Variants in HPSE2 observed in about 807,000 individuals in gnomAD.
The protein encoded by HPSE2 is inactive heparanase-2.
In HPSE2, 38 loss-of-function variants were observed where a neutral mutation model predicts 60.5. That is an observed-to-expected ratio of 0.63 (90% CI 0.48 to 0.82). HPSE2 has a LOEUF of 0.82. Among genes scored for constraint, HPSE2 ranks in the 40% least tolerant of loss-of-function variants. The pLI, the probability that HPSE2 is intolerant of heterozygous loss-of-function variation, is 0.00. For missense variants in HPSE2, 713 were observed against 740.4 expected, an observed-to-expected ratio of 0.96 and a Z score of 0.43; for synonymous variants, 295 against 293.2, an observed-to-expected ratio of 1.01 and a Z score of -0.06.
intron 3 of HPSE2, among the ~76,000 whole-genome samples, chr10:99,012,050 A>C (rs1311739087): frequency 6.6e-6 from 1 of 151,934 alleles, no homozygotes; most frequent in Non-Finnish European, 1.5e-5. Flanking sequence ...TTTTACTTTG[A>C]AATTCACTTT....
intron 3 of HPSE2, among the ~76,000 whole-genome samples, chr10:98,760,916 G>T (rs1216906383): frequency 3.9e-5 from 6 of 152,022 alleles, no homozygotes; most frequent in Non-Finnish European, 7.4e-5. Context: ...TTAAATGTTT[G>T]GTAGAGTTCA....
chr10:98,652,043 T>A (rs1469915276), intron 6 of HPSE2, among the ~76,000 whole-genome samples: 1 of 152,176 alleles, frequency 6.6e-6, no homozygotes, highest in Non-Finnish European at 1.5e-5. Flanking sequence ...AGTGCTGGGA[T>A]TACATGTGTG....
intron 3 of HPSE2, among the ~76,000 whole-genome samples, chr10:98,913,058 C>T (rs1372627517): frequency 6.6e-6 from 1 of 151,982 alleles, no homozygotes; most frequent in Non-Finnish European, 1.5e-5. Context: ...AATATATATA[C>T]CTGCTATGTA....
At chr10:98,884,198 C>G (rs1263491454) in intron 3 of HPSE2, among the ~76,000 whole-genome samples, 2 of 152,100 alleles carry the variant, frequency 1.3e-5, no homozygotes, top group African/African-American at 4.8e-5. Flanking sequence ...GGTGAGGAAG[C>G]TGCTGAAGAA....
At chr10:99,077,660 T>C (rs1363962121) in intron 3 of HPSE2, among the ~76,000 whole-genome samples, 3 of 152,156 alleles carry the variant, frequency 2.0e-5, no homozygotes, top group Non-Finnish European at 4.4e-5. Context: ...ATTAAATATA[T>C]ACAGGTGTAT....
At chr10:99,153,459 G>C (rs1450386496) in intron 2 of HPSE2, among the ~76,000 whole-genome samples, 1 of 152,190 alleles carries the variant, frequency 6.6e-6, no homozygotes, top group Non-Finnish European at 1.5e-5. Context: ...CCCCCGAGCA[G>C]CCTAACTGGG....
chr10:99,075,727 T>C (rs982273415), intron 3 of HPSE2, among the ~76,000 whole-genome samples: 1 of 152,176 alleles, frequency 6.6e-6, no homozygotes, highest in Non-Finnish European at 1.5e-5. Flanking sequence ...GCATATATAT[T>C]TATAATTCTT....
chr10:99,020,068 T>G (rs4579871), intron 3 of HPSE2, among the ~76,000 whole-genome samples: 115,867 of 151,758 alleles, frequency 0.76, 44,622 homozygotes, highest in East Asian at 0.86. Flanking sequence ...TTTATTTATA[T>G]AATAGGAAGG....
chr10:99,111,373 A>C (rs752317595), intron 3 of HPSE2, among the ~76,000 whole-genome samples: 1 of 152,168 alleles, frequency 6.6e-6, no homozygotes, highest in Non-Finnish European at 1.5e-5. Flanking sequence ...GAGCCTCTGT[A>C]ATTCTGTAAG....
At chr10:98,699,725 T>C (rs1352775002) in intron 5 of HPSE2, among the ~76,000 whole-genome samples, 4 of 130,532 alleles carry the variant, frequency 3.1e-5, no homozygotes, top group East Asian at 2.5e-4. Context: ...GATGACATGA[T>C]TGTATATCTA....
intron 2 of HPSE2, among the ~76,000 whole-genome samples, chr10:99,197,345 C>A (rs1848436200): frequency 6.6e-6 from 1 of 152,086 alleles, no homozygotes; most frequent in African/African-American, 2.4e-5. Context: ...ATAAAATGTA[C>A]ATTTTAAAAT....
chr10:98,901,899 C>T (rs1451770313), intron 3 of HPSE2, among the ~76,000 whole-genome samples: 1 of 152,152 alleles, frequency 6.6e-6, no homozygotes, highest in Non-Finnish European at 1.5e-5. Context: ...TAACGCCTGG[C>T]ATATGGCACA....
chr10:99,124,859 G>A (rs1845103958), intron 3 of HPSE2, among the ~76,000 whole-genome samples: 1 of 152,226 alleles, frequency 6.6e-6, no homozygotes, highest in Non-Finnish European at 1.5e-5. Flanking sequence ...ATGGAGTGGG[G>A]CTCCTGCCAG....
chr10:98,563,460 T>C (rs1307937989), intron 9 of HPSE2, among the ~76,000 whole-genome samples: 1 of 152,190 alleles, frequency 6.6e-6, no homozygotes, highest in Non-Finnish European at 1.5e-5. Flanking sequence ...AGGTTTCTTC[T>C]TGGGTAATGA....
chr10:98,951,118 A>G (rs910648807), intron 3 of HPSE2, among the ~76,000 whole-genome samples: 2 of 152,204 alleles, frequency 1.3e-5, no homozygotes, highest in Non-Finnish European at 2.9e-5. Context: ...GAGGAAGAAG[A>G]TGAAAGAGCC....
intron 9 of HPSE2, among the ~76,000 whole-genome samples, chr10:98,514,971 G>C (rs1004870321): frequency 2.0e-5 from 3 of 151,808 alleles, no homozygotes; most frequent in Non-Finnish European, 4.4e-5. Flanking sequence ...CAATCCGCCC[G>C]CCTCGGCCTC....
intron 2 of HPSE2, among the ~76,000 whole-genome samples, chr10:99,211,369 G>C (rs2133909121): frequency 6.6e-6 from 1 of 151,932 alleles, no homozygotes; most frequent in East Asian, 1.9e-4. Flanking sequence ...AATTCATATG[G>C]AAGCCCAGAA....
intron 2 of HPSE2, among the ~76,000 whole-genome samples, chr10:99,207,131 T>G (rs192134049): frequency 7.2e-5 from 11 of 152,164 alleles, no homozygotes; most frequent in Admixed American, 3.9e-4. Context: ...AATCAAAGAT[T>G]GAGAGATTTC....
rs1013638574 is a variant in HPSE2 at position 98,562,982 on chromosome 10, C to A, written c.1320+51922G>T. On this transcript the variant is annotated intron_variant, in intron 9 of 11. Transcript: ENST00000370552. ...CTGGGGCTCTGGCTTAAAAAACAAA[C>A]AAACAAACAAACCCAAAAAATCTTT... Among the ~76,000 whole-genome samples the A allele has an allele frequency of 1.4e-3, 208 of 152,026 alleles. 1 individual carries two copies. Among genetic ancestry groups the A allele is most frequent in the Non-Finnish European group, 2.2e-3 (149 of 67,966 alleles).
Sources: gnomAD v4.1 joint callset for allele counts (sites outside exome capture counted in the v4.1 genomes callset) on GRCh38, gnomAD v4.1.1 for gene constraint, MANE v1.5 for transcripts, NCBI Gene and HGNC (gene_info 2026-07-23, HGNC 2026-07-21) for gene names.